Variants in TMEM116 observed in about 807,000 individuals in gnomAD.
The protein encoded by TMEM116 is transmembrane protein 116.
In TMEM116, 38 loss-of-function variants were observed where a neutral mutation model predicts 44.3. The observed-to-expected ratio is 0.86, with a 90% CI of 0.66 to 1.12. The LOEUF is 1.12. TMEM116 is among the 50% of genes most tolerant of loss of function. The pLI is 0.00. For missense variants in TMEM116, 354 were observed against 401.7 expected (o/e 0.88, Z 1.01); for synonymous variants, 132 against 144.8 (o/e 0.91, Z 0.64).
At chr12:111,987,898 C>A (rs2136585997) in intron 4 of TMEM116, among the ~76,000 whole-genome samples, 1 of 151,972 alleles carries the variant, frequency 6.6e-6, no homozygotes, top group East Asian at 1.9e-4. Flanking sequence ...TTATTCACAA[C>A]ATCTAAAAGG....
intron 4 of TMEM116, among the ~76,000 whole-genome samples, chr12:111,984,731 G>T (rs897636533): frequency 6.6e-6 from 1 of 151,848 alleles, no homozygotes; most frequent in Non-Finnish European, 1.5e-5. Context: ...TTGAAGGGAT[G>T]GATAATCCCA....
chr12:111,974,998 A>C (rs111230792), intron 4 of TMEM116, among the ~76,000 whole-genome samples: 11 of 152,330 alleles, frequency 7.2e-5, no homozygotes, highest in African/African-American at 2.6e-4. Context: ...AGAGATACTG[A>C]AGAAGACCTA....
chr12:111,946,414 T>A (rs559544837), intron 4 of TMEM116, among the ~76,000 whole-genome samples: 7 of 152,352 alleles, frequency 4.6e-5, no homozygotes, highest in Non-Finnish European at 4.4e-5. Flanking sequence ...ACTAAAAGTA[T>A]TCCTTACAGG....
chr12:112,005,970 A>C (rs1261794862), intron 1 of TMEM116: 1 of 985,760 alleles, frequency 1.0e-6, no homozygotes, highest in Admixed American at 6.2e-5. Flanking sequence ...TGTCCTCCAG[A>C]ATGCTAGCGT....
intron 5 of TMEM116, among the ~76,000 whole-genome samples, chr12:111,939,426 C>T (rs1214558590): frequency 6.9e-6 from 1 of 144,214 alleles, no homozygotes; most frequent in Non-Finnish European, 1.5e-5. Flanking sequence ...GCACTCCAGC[C>T]TGGTGACAGA....
chr12:111,988,260 A>G (rs2076336985), intron 4 of TMEM116, among the ~76,000 whole-genome samples: 1 of 152,228 alleles, frequency 6.6e-6, no homozygotes, highest in South Asian at 2.1e-4. Context: ...TAGTTGTATA[A>G]CAAGGTGAAT....
intron 1 of TMEM116, chr12:112,005,609 C>A: frequency 2.4e-6 from 2 of 825,298 alleles, no homozygotes; most frequent in Non-Finnish European, 2.9e-6. Flanking sequence ...TACCTGTAAT[C>A]CCGACACTTT....
Position 111,938,427 on chromosome 12 carries a change from TACA to T in TMEM116, c.316-220_316-218del, listed in dbSNP as rs931256675. On this transcript the variant is annotated intron_variant, in intron 5 of 10. Coordinates refer to ENST00000552374, the MANE Select transcript of TMEM116 (RefSeq NM_001193531.2). Reference sequence around the variant, plus strand: ...ATCTCTATTACTATATTCTAAAAAGTACAACAACAACAACAACAAAGCCACAAA... The same window carrying T: ...ATCTCTATTACTATATTCTAAAAAGTACAACAACAACAACAAAGCCACAAA... Among the ~76,000 whole-genome samples the T allele has an allele frequency of 1.6e-4, 25 of 151,860 alleles. No homozygotes were observed. The South Asian group carries it at 2.3e-3, about 14-fold the overall frequency.
chr12:111,972,871 T>C (rs1268826741), intron 4 of TMEM116, among the ~76,000 whole-genome samples: 1 of 151,808 alleles, frequency 6.6e-6, no homozygotes, highest in African/African-American at 2.4e-5. Context: ...AGCAAGACTC[T>C]GTCTCAAAAA....
Position 112,005,309 on chromosome 12 carries a change from C to A in TMEM116, c.-33-6G>T. 3 of 1,295,530 alleles carry A rather than the reference C, an allele frequency of 2.3e-6. No homozygotes were observed. Among genetic ancestry groups the A allele is most frequent in the Non-Finnish European group, 2.9e-6 (3 of 1,022,740 alleles). The allele number at this position is 1,295,530 out of a possible 1,614,324, so 80.3% of individuals were successfully genotyped here. On this transcript the variant is annotated splice_region_variant and splice_polypyrimidine_tract_variant and intron_variant, in intron 1 of 10. Transcript: ENST00000552374. ...CACTGTATTGCAGGAAGAACCTAAG[C>A]AAAACAAGGAAAACGGAATAAAATT...
At chr12:111,933,066 C>T (rs2071790961) in intron 9 of TMEM116, among the ~76,000 whole-genome samples, 1 of 152,108 alleles carries the variant, frequency 6.6e-6, no homozygotes, top group South Asian at 2.1e-4. Flanking sequence ...CATGGCGAAA[C>T]CCTGTCTCTA....
chr12:111,946,283 A>G (rs2073266719), intron 4 of TMEM116, among the ~76,000 whole-genome samples: 1 of 152,346 alleles, frequency 6.6e-6, no homozygotes, highest in South Asian at 2.1e-4. Flanking sequence ...ACAGAAATAT[A>G]GTGTGGAGCG....
chr12:112,002,574 A>G (rs2077318213), intron 3 of TMEM116, among the ~76,000 whole-genome samples: 1 of 151,656 alleles, frequency 6.6e-6, no homozygotes, highest in Non-Finnish European at 1.5e-5. Flanking sequence ...CAAAAAAAAA[A>G]AAAAGAAAAA....
chr12:112,000,405 T>G (rs1227665493), intron 3 of TMEM116, among the ~76,000 whole-genome samples: 1 of 152,154 alleles, frequency 6.6e-6, no homozygotes, highest in African/African-American at 2.4e-5. Context: ...AAAATAACTT[T>G]AAAAACAGAA....
intron 4 of TMEM116, among the ~76,000 whole-genome samples, chr12:111,967,859 A>G (rs1048908272): frequency 6.6e-6 from 1 of 152,224 alleles, no homozygotes; most frequent in African/African-American, 2.4e-5. Flanking sequence ...ACATCAGACA[A>G]CAAAGGGCAA....
chr12:111,934,145 C>A, intron 8 of TMEM116, 115 bp from the exon 9 acceptor site: 2 of 1,209,480 alleles, frequency 1.7e-6, no homozygotes, highest in Non-Finnish European at 2.2e-6. Flanking sequence ...CAGGAACGAC[C>A]CCATTCTCTT....
intron 4 of TMEM116, among the ~76,000 whole-genome samples, chr12:111,981,555 A>G (rs561487748): frequency 1.3e-5 from 2 of 152,270 alleles, no homozygotes; most frequent in East Asian, 3.9e-4. Context: ...ATCCACTTGG[A>G]ATTTTCTCAG....
At position 111,931,750 on chromosome 12, in the gene TMEM116, CT is replaced by C; in HGVS notation, c.884del (p.Lys295SerfsTer26). On this transcript the variant is annotated frameshift_variant, in exon 11 of 11. Coordinates refer to ENST00000552374, the MANE Select transcript of TMEM116 (RefSeq NM_001193531.2). LOFTEE classifies it high-confidence loss of function. ...TATCTGCATCACGCCGAGCCTCCTG[CT>C]TTAGTTGGTGGAATTTGTGCTGCGT... Reference protein sequence around the residue: ...GWTQHKFHQLKQEARRDADTQ... With the variant: ...GWTQHKFHQLXQEARRDADTQ... The C allele has an allele frequency of 6.2e-7, 1 of 1,608,576 alleles. No homozygotes were observed. The highest frequency in any genetic ancestry group is 8.5e-7 in the Non-Finnish European group (1 of 1,177,502).
At chr12:111,991,539 A>G (rs1593583500) in intron 4 of TMEM116, among the ~76,000 whole-genome samples, 1 of 152,028 alleles carries the variant, frequency 6.6e-6, no homozygotes, top group African/African-American at 2.4e-5. Context: ...AAAAAAAAAA[A>G]AATTAAAGAG....
Sources: allele counts gnomAD v4.1 joint callset (sites outside exome capture counted in the v4.1 genomes callset), GRCh38; gene constraint gnomAD v4.1.1; transcripts MANE v1.5; gene names NCBI Gene and HGNC (gene_info 2026-07-23, HGNC 2026-07-21).